CAMK4: variants seen among roughly 807,000 people sequenced by gnomAD.
The protein encoded by CAMK4 is calcium/calmodulin dependent protein kinase IV.
CAMK4 carries 22 observed loss-of-function variants against 44.9 expected under a neutral mutation model. That is an observed-to-expected ratio of 0.49 (90% CI 0.35 to 0.70). CAMK4 has a LOEUF of 0.70. CAMK4 is among the 30% of genes least tolerant of loss of function. The pLI is 0.01. For missense variants in CAMK4, 498 were observed against 586.8 expected, an observed-to-expected ratio of 0.85 and a Z score of 1.56; for synonymous variants, 218 against 215.4, an observed-to-expected ratio of 1.01 and a Z score of -0.11.
intron 1 of CAMK4, among the ~76,000 whole-genome samples, chr5:111,305,276 A>G (rs1365420578): frequency 7.2e-5 from 1 of 13,962 alleles, no homozygotes; most frequent in Admixed American, 1.0e-3. Flanking sequence ...TAGAGACACA[A>G]AAAACCCTTC....
At chr5:111,385,792 C>T (rs306114) in intron 4 of CAMK4, among the ~76,000 whole-genome samples, 141,198 of 152,232 alleles carry the variant, frequency 0.93, 65,636 homozygotes, top group East Asian at 1. Flanking sequence ...AGCCAGGATA[C>T]TCTCGATCTC....
chr5:111,245,711 G>A (rs1310759259), intron 1 of CAMK4, among the ~76,000 whole-genome samples: 4 of 152,188 alleles, frequency 2.6e-5, no homozygotes, highest in African/African-American at 9.7e-5. Context: ...AATACAGATT[G>A]CCTTAACTTT....
chr5:111,464,108 G>GA (rs1413265143), intron 7 of CAMK4, among the ~76,000 whole-genome samples: 4 of 150,342 alleles, frequency 2.7e-5, no homozygotes, highest in Non-Finnish European at 5.9e-5. Flanking sequence ...GATATGAAGG[G>GA]AAAAATCTTC....
At position 111,462,417 on chromosome 5, in the gene CAMK4, C is replaced by A. The variant is rs114518615; in HGVS notation, c.626-10894C>A. Among the ~76,000 whole-genome samples, 977 of 152,292 alleles carry A rather than the reference C, an allele frequency of 6.4e-3. 10 individuals carry two copies. The highest frequency in any genetic ancestry group is 0.022 in the African/African-American group (931 of 41,546). On this transcript the variant is annotated intron_variant, in intron 7 of 10. Coordinates refer to ENST00000282356, the MANE Select transcript of CAMK4 (RefSeq NM_001744.6). Reference sequence around the variant, plus strand: ...AAAAAGACTTGTTCTCTTTAACCTGCTCATTATTCCCCTAGCACCTCCAAG... The same window carrying A: ...AAAAAGACTTGTTCTCTTTAACCTGATCATTATTCCCCTAGCACCTCCAAG...
intron 1 of CAMK4, among the ~76,000 whole-genome samples, chr5:111,266,775 C>A (rs1193401592): frequency 6.6e-6 from 1 of 152,244 alleles, no homozygotes; most frequent in Non-Finnish European, 1.5e-5. Context: ...ATAGCTCTAG[C>A]TAGGGGTGCC....
chr5:111,491,434 T>G lies in CAMK4; in HGVS notation c.*6968T>G, dbSNP rs1755829255. On this transcript the variant is annotated 3_prime_UTR_variant, in exon 11 of 11. Coordinates refer to ENST00000282356, the MANE Select transcript of CAMK4 (RefSeq NM_001744.6). ...ACAGATTCCTATATTCCAGTTTGTT[T>G]TTTTTTTTTTCTCCTTAGCTTAAGG... 2 of 152,110 alleles carry G rather than the reference T, an allele frequency of 1.3e-5. No homozygotes were observed. Among genetic ancestry groups the G allele is most frequent in the South Asian group, 4.1e-4 (2 of 4,820 alleles). The allele number at this position is 152,110 out of a possible 1,614,324, so 9.4% of individuals were successfully genotyped here. A position where few individuals can be genotyped will look rare whatever the true frequency, so the allele number is the denominator to read the frequency against.
At chr5:111,311,748 T>G (rs1490478172) in intron 1 of CAMK4, among the ~76,000 whole-genome samples, 1 of 152,198 alleles carries the variant, frequency 6.6e-6, no homozygotes, top group Non-Finnish European at 1.5e-5. Context: ...AATTTCTTGT[T>G]TCTCAAGGAC....
At chr5:111,274,246 C>G (rs1355613157) in intron 1 of CAMK4, among the ~76,000 whole-genome samples, 8 of 152,054 alleles carry the variant, frequency 5.3e-5, no homozygotes, top group Admixed American at 3.3e-4. Context: ...CCTATATCCT[C>G]CCATTCATTC....
At chr5:111,269,485 T>C (rs948304778) in intron 1 of CAMK4, among the ~76,000 whole-genome samples, 1 of 152,196 alleles carries the variant, frequency 6.6e-6, no homozygotes, top group African/African-American at 2.4e-5. Flanking sequence ...CATCTGGACC[T>C]TCCTGGGTCC....
At position 111,359,742 on chromosome 5, in the gene CAMK4, CTTG is replaced by C. The variant is rs1042338338; in HGVS notation, c.241-15107_241-15105del. On this transcript the variant is annotated intron_variant, in intron 2 of 10. Coordinates refer to ENST00000282356, the MANE Select transcript of CAMK4 (RefSeq NM_001744.6). ...TTTTACATTTAAGGCTTTAATCCAT[CTTG>C]AGTTTATTTTTGTATATGGTGTAAG... Among the ~76,000 whole-genome samples, 59 of 152,104 alleles carry C rather than the reference CTTG, an allele frequency of 3.9e-4. 1 individual carries two copies. The highest frequency in any genetic ancestry group is 1.3e-3 in the African/African-American group (54 of 41,508).
intron 1 of CAMK4, among the ~76,000 whole-genome samples, chr5:111,327,344 T>G (rs1339250038): frequency 5.3e-5 from 8 of 151,288 alleles, no homozygotes; most frequent in African/African-American, 1.9e-4. Context: ...GAACTCATCA[T>G]TTTTTATGGC....
intron 1 of CAMK4, among the ~76,000 whole-genome samples, chr5:111,309,185 T>A (rs1748092225): frequency 6.6e-6 from 1 of 152,222 alleles, no homozygotes; most frequent in African/African-American, 2.4e-5. Context: ...ACAATTGTTG[T>A]GCTTTGCAAC....
intron 4 of CAMK4, among the ~76,000 whole-genome samples, chr5:111,391,926 G>T (rs1444320474): frequency 6.6e-6 from 1 of 152,116 alleles, no homozygotes; most frequent in Non-Finnish European, 1.5e-5. Context: ...CACATCATGT[G>T]TCAGAAGAAA....
intron 1 of CAMK4, among the ~76,000 whole-genome samples, chr5:111,339,819 T>C (rs1213225246): frequency 6.6e-6 from 1 of 151,378 alleles, no homozygotes; most frequent in African/African-American, 2.4e-5. Context: ...TTGGGTAATA[T>C]GGACATTTTA....
At chr5:111,459,501 A>T (rs908700716) in intron 7 of CAMK4, among the ~76,000 whole-genome samples, 3 of 152,172 alleles carry the variant, frequency 2.0e-5, no homozygotes, top group African/African-American at 7.2e-5. Context: ...AATAAATAAT[A>T]TCACCAAAAA....
chr5:111,239,659 A>C (rs1269631639), intron 1 of CAMK4, among the ~76,000 whole-genome samples: 1 of 152,214 alleles, frequency 6.6e-6, no homozygotes, highest in Non-Finnish European at 1.5e-5. Context: ...TTCTCCACCC[A>C]TAAGAAGAGA....
chr5:111,348,895 C>T (rs1210679801), intron 2 of CAMK4, among the ~76,000 whole-genome samples: 1 of 152,022 alleles, frequency 6.6e-6, no homozygotes, highest in East Asian at 1.9e-4. Context: ...TGACAAACAT[C>T]AGTGACTCAC....
At chr5:111,264,157 G>C (rs1032109842) in intron 1 of CAMK4, among the ~76,000 whole-genome samples, 2 of 152,182 alleles carry the variant, frequency 1.3e-5, no homozygotes, top group Non-Finnish European at 2.9e-5. Flanking sequence ...TGGGAGTTGT[G>C]GGTGGAGTTG....
At chr5:111,355,782 C>G (rs866672992) in intron 2 of CAMK4, among the ~76,000 whole-genome samples, 1 of 149,618 alleles carries the variant, frequency 6.7e-6, no homozygotes, top group African/African-American at 2.5e-5. Flanking sequence ...GATAGTTTAC[C>G]GAGAATGATG....
Sources: gnomAD v4.1 joint callset for allele counts (sites outside exome capture counted in the v4.1 genomes callset) on GRCh38, gnomAD v4.1.1 for gene constraint, MANE v1.5 for transcripts, NCBI Gene and HGNC (gene_info 2026-07-23, HGNC 2026-07-21) for gene names.